The following LRP1B variants were observed in gnomAD, a reference collection of about 807,000 sequenced individuals.
The protein encoded by LRP1B is LDL receptor related protein 1B.
Under a neutral mutation model 556.6 loss-of-function variants are expected in LRP1B, and 217 were observed. That is an observed-to-expected ratio of 0.39 (90% CI 0.35 to 0.44). The LOEUF is 0.44. Among genes scored for constraint, LRP1B ranks in the 20% least tolerant of loss-of-function variants. The pLI, the probability that LRP1B is intolerant of heterozygous loss-of-function variation, is 1.00. For missense variants in LRP1B, 5,053 were observed against 5,620.8 expected (o/e 0.90, Z 3.23); for synonymous variants, 2,047 against 1,865.8 (o/e 1.10, Z -2.50).
At chr2:141,084,785 G>A (rs6745404) in intron 7 of LRP1B, among the ~76,000 whole-genome samples, 125,315 of 151,410 alleles carry the variant, frequency 0.83, 52,137 homozygotes, top group East Asian at 0.88. Flanking sequence ...GAGTAGCTGG[G>A]ACTACAGGTG....
intron 3 of LRP1B, among the ~76,000 whole-genome samples, chr2:141,358,738 AAC>A (rs1449820384): frequency 1.3e-5 from 2 of 152,230 alleles, no homozygotes; most frequent in Non-Finnish European, 2.9e-5. Context: ...AATAGATAGC[AAC>A]ACAGTTTTCT....
At chr2:141,791,502 T>C (rs76517569) in intron 2 of LRP1B, among the ~76,000 whole-genome samples, 5,947 of 152,136 alleles carry the variant, frequency 0.039, 390 homozygotes, top group African/African-American at 0.14. Flanking sequence ...TTTTAACATT[T>C]TTGCTGGATT....
chr2:141,206,965 T>C (rs900862203), intron 6 of LRP1B, among the ~76,000 whole-genome samples: 2 of 152,204 alleles, frequency 1.3e-5, no homozygotes, highest in Non-Finnish European at 2.9e-5. Context: ...CACAAGCCCT[T>C]CTAATTCTTG....
At chr2:141,776,578 T>C (rs1476733894) in intron 2 of LRP1B, among the ~76,000 whole-genome samples, 1 of 152,204 alleles carries the variant, frequency 6.6e-6, no homozygotes, top group African/African-American at 2.4e-5. Context: ...ACCAGTTTGA[T>C]TGACTCATTA....
At chr2:140,716,305 G>T (rs948876985) in intron 36 of LRP1B, among the ~76,000 whole-genome samples, 1 of 151,880 alleles carries the variant, frequency 6.6e-6, no homozygotes, top group Admixed American at 6.6e-5. Context: ...ACACACCTCT[G>T]GTTTAAACCA....
chr2:140,951,490 A>G (rs1249715296), intron 19 of LRP1B, among the ~76,000 whole-genome samples: 1 of 152,184 alleles, frequency 6.6e-6, no homozygotes, highest in Non-Finnish European at 1.5e-5. Context: ...AGTTGAGACT[A>G]TCTGGGTAAT....
chr2:141,090,631 C>A (rs905230303), intron 7 of LRP1B, among the ~76,000 whole-genome samples: 1 of 152,128 alleles, frequency 6.6e-6, no homozygotes, highest in African/African-American at 2.4e-5. Flanking sequence ...AATTCAACTT[C>A]TATTTTATGT....
chr2:140,393,325 T>G (rs1684107265), intron 66 of LRP1B, among the ~76,000 whole-genome samples: 1 of 150,950 alleles, frequency 6.6e-6, no homozygotes, highest in South Asian at 2.1e-4. Flanking sequence ...AAATTGAAAT[T>G]ATATATTGTT....
At chr2:140,398,449 T>C (rs138474335) in intron 66 of LRP1B, among the ~76,000 whole-genome samples, 20 of 152,196 alleles carry the variant, frequency 1.3e-4, no homozygotes, top group Middle Eastern at 3.4e-3. Context: ...CACAAACACA[T>C]ACACTGTGGA....
chr2:140,457,717 T>C, intron 60 of LRP1B, 66 bp from the exon 61 acceptor site: 2 of 1,274,416 alleles, frequency 1.6e-6, no homozygotes, highest in Non-Finnish European at 2.3e-6. Flanking sequence ...TATTCAATAC[T>C]ACATGGGCTG....
In LRP1B at chr2:140,385,875, T is replaced by C; in HGVS notation, c.10531+18A>G. 6.5e-7 allele frequency: 1 copy of C among 1,530,584 alleles called. No homozygotes were observed. The highest frequency in any genetic ancestry group is 1.7e-4 in the Middle Eastern group (1 of 5,898). The allele number at this position is 1,530,584 out of a possible 1,614,324, so 94.8% of individuals were successfully genotyped here. Reference sequence around the variant, plus strand: ...TGGGCTGTCAAGCTCAAAACATTATTAGGCAAGAGTTACTTACTACAGTTT... The same window carrying C: ...TGGGCTGTCAAGCTCAAAACATTATCAGGCAAGAGTTACTTACTACAGTTT... On this transcript the variant is annotated intron_variant, in intron 67 of 90. Transcript: ENST00000389484.
chr2:140,426,176 T>C (rs963621883), intron 66 of LRP1B, among the ~76,000 whole-genome samples: 4 of 152,174 alleles, frequency 2.6e-5, no homozygotes, highest in Admixed American at 2.0e-4. Context: ...ACATTCAACC[T>C]TGTGTGTAGT....
chr2:140,247,615 T>C (rs970028990), intron 86 of LRP1B, among the ~76,000 whole-genome samples: 1 of 151,602 alleles, frequency 6.6e-6, no homozygotes, highest in African/African-American at 2.4e-5. Flanking sequence ...ATCTGTCTTA[T>C]AGTTCAAGCT....
intron 41 of LRP1B, among the ~76,000 whole-genome samples, chr2:140,631,993 T>G (rs1044376056): frequency 6.6e-6 from 1 of 152,150 alleles, no homozygotes; most frequent in Admixed American, 6.6e-5. Flanking sequence ...AAGACTGGTA[T>G]GAAATATTTA....
intron 4 of LRP1B, among the ~76,000 whole-genome samples, chr2:141,247,790 C>T (rs1034950590): frequency 2.0e-5 from 3 of 152,138 alleles, no homozygotes; most frequent in African/African-American, 7.2e-5. Context: ...ACACTCACTA[C>T]TTTAAAGAGA....
At chr2:142,041,339 A>G (rs1188288011) in intron 1 of LRP1B, among the ~76,000 whole-genome samples, 1 of 151,438 alleles carries the variant, frequency 6.6e-6, no homozygotes, top group Non-Finnish European at 1.5e-5. Flanking sequence ...GTCATGTGGA[A>G]GCTGGCACTG....
intron 84 of LRP1B, among the ~76,000 whole-genome samples, chr2:140,285,875 A>C (rs1246583873): frequency 2.0e-5 from 3 of 151,758 alleles, no homozygotes; most frequent in Non-Finnish European, 4.4e-5. Flanking sequence ...GTGTACATGA[A>C]GATAGTGCAG....
At chr2:141,136,099 C>A (rs978048658) in intron 7 of LRP1B, among the ~76,000 whole-genome samples, 2 of 151,792 alleles carry the variant, frequency 1.3e-5, no homozygotes, top group South Asian at 4.1e-4. Flanking sequence ...TCAATTAGAA[C>A]ATATTAAAGC....
At chr2:140,378,038 A>G (rs1683310315) in intron 68 of LRP1B, 142 bp downstream of exon 68, 1 of 612,674 alleles carries the variant, frequency 1.6e-6, no homozygotes, top group Non-Finnish European at 3.0e-6. Flanking sequence ...GAAGCACAGC[A>G]CATGGATATA....
Sources: allele counts gnomAD v4.1 joint callset (sites outside exome capture counted in the v4.1 genomes callset), GRCh38; gene constraint gnomAD v4.1.1; transcripts MANE v1.5; gene names NCBI Gene and HGNC (gene_info 2026-07-23, HGNC 2026-07-21).